MAGI2: variants seen among roughly 807,000 people sequenced by gnomAD.
MAGI2 encodes the protein membrane associated guanylate kinase, WW and PDZ domain containing 2.
MAGI2 carries 35 observed loss-of-function variants against 133.3 expected under a neutral mutation model. That is an observed-to-expected ratio of 0.26 (90% confidence interval 0.20 to 0.35). The LOEUF (loss-of-function observed/expected upper bound fraction) is 0.35. MAGI2 is among the 10% of genes least tolerant of loss of function. The pLI is 1.00. For synonymous variants in MAGI2, 729 were observed against 710.6 expected, an observed-to-expected ratio of 1.03 and a Z score of -0.41; for missense variants, 1,636 against 1,863.4, an observed-to-expected ratio of 0.88 and a Z score of 2.25.
chr7:78,923,527 G>T (rs1041453943), intron 2 of MAGI2, among the ~76,000 whole-genome samples: 18 of 152,036 alleles, frequency 1.2e-4, no homozygotes, highest in African/African-American at 4.3e-4. Context: ...TATTTCTGAG[G>T]GCTCTGTTCT....
chr7:78,799,805 G>A (rs1787913706), intron 2 of MAGI2, among the ~76,000 whole-genome samples: 1 of 152,102 alleles, frequency 6.6e-6, no homozygotes, highest in South Asian at 2.1e-4. Context: ...TGAGTATTTT[G>A]AGATTTTTCT....
At chr7:79,180,228 GAATAGCT>G (rs1188547817) in intron 1 of MAGI2, among the ~76,000 whole-genome samples, 1 of 151,998 alleles carries the variant, frequency 6.6e-6, no homozygotes, top group African/African-American at 2.4e-5. Context: ...GCCCCATTTA[GAATAGCT>G]ATTATTAAAA....
At position 78,120,636 on chromosome 7, in the gene MAGI2, T is replaced by C. The variant is rs144571305; in HGVS notation, c.3567+5058A>G. On this transcript the variant is annotated intron_variant, in intron 20 of 21. Coordinates refer to ENST00000354212, the MANE Select transcript of MAGI2 (RefSeq NM_012301.4). ...ATCCATATACAGACCACTGCATTTA[T>C]AGAAATTTAATTTATTATAGAGCTG... Among the ~76,000 whole-genome samples, 9 of 152,266 alleles carry C rather than the reference T, an allele frequency of 5.9e-5. No homozygotes were observed. The East Asian group carries it at 1.5e-3, about 26-fold the overall frequency.
At chr7:79,021,213 A>G (rs1809296183) in intron 1 of MAGI2, among the ~76,000 whole-genome samples, 1 of 152,240 alleles carries the variant, frequency 6.6e-6, no homozygotes, top group Admixed American at 6.5e-5. Context: ...AACCTCTGCT[A>G]GGGCAGTGCA....
intron 4 of MAGI2, among the ~76,000 whole-genome samples, chr7:78,502,645 T>G (rs187210722): frequency 6.6e-6 from 1 of 152,350 alleles, no homozygotes; most frequent in East Asian, 1.9e-4. Context: ...TATCATAGTT[T>G]TTTTGTATAG....
chr7:78,385,704 T>C (rs1795320367), intron 6 of MAGI2, among the ~76,000 whole-genome samples: 1 of 152,204 alleles, frequency 6.6e-6, no homozygotes, highest in African/African-American at 2.4e-5. Flanking sequence ...ATTCTTTCCA[T>C]CTTGGCAATA....
chr7:79,171,358 T>G (rs1436707518), intron 1 of MAGI2, among the ~76,000 whole-genome samples: 2 of 152,022 alleles, frequency 1.3e-5, no homozygotes, highest in Non-Finnish European at 2.9e-5. Context: ...TCAGTCATAT[T>G]GGAATTAGGG....
At chr7:79,184,581 C>T (rs915385641) in intron 1 of MAGI2, among the ~76,000 whole-genome samples, 2 of 151,402 alleles carry the variant, frequency 1.3e-5, no homozygotes, top group Non-Finnish European at 2.9e-5. Context: ...GAAAAAAAGG[C>T]ATAAATGTAG....
intron 2 of MAGI2, among the ~76,000 whole-genome samples, chr7:78,893,495 G>A (rs1375616259): frequency 6.6e-6 from 1 of 152,034 alleles, no homozygotes; most frequent in Non-Finnish European, 1.5e-5. Context: ...GTCCAACAAC[G>A]ATAGACTGGA....
At chr7:78,535,462 A>G (rs1254469688) in intron 3 of MAGI2, among the ~76,000 whole-genome samples, 1 of 152,220 alleles carries the variant, frequency 6.6e-6, no homozygotes, top group Non-Finnish European at 1.5e-5. Context: ...TCTTGAGGTC[A>G]ATGAGGGATA....
chr7:78,903,070 G>A (rs994094305), intron 2 of MAGI2, among the ~76,000 whole-genome samples: 2 of 147,670 alleles, frequency 1.4e-5, no homozygotes, highest in African/African-American at 5.0e-5. Flanking sequence ...TGAACTCATT[G>A]TCCTTAAAAT....
chr7:78,062,457 C>G (rs10244556), intron 21 of MAGI2, among the ~76,000 whole-genome samples: 15,922 of 152,312 alleles, frequency 0.1, 1,407 homozygotes, highest in African/African-American at 0.24. Flanking sequence ...GCTTCCCAGC[C>G]TATCTCTGGG....
At chr7:79,266,949 C>A (rs563007952) in intron 1 of MAGI2, among the ~76,000 whole-genome samples, 3 of 152,204 alleles carry the variant, frequency 2.0e-5, no homozygotes, top group African/African-American at 7.2e-5. Flanking sequence ...ATCACATAGA[C>A]TTCAGATAAG....
intron 2 of MAGI2, among the ~76,000 whole-genome samples, chr7:78,667,139 T>C (rs1286257212): frequency 6.6e-6 from 1 of 152,062 alleles, no homozygotes; most frequent in African/African-American, 2.4e-5. Context: ...AGTAACATCC[T>C]TCAAATAAAT....
At chr7:78,161,688 G>GAAAAAAAAAAAAA (rs397753924) in intron 15 of MAGI2, among the ~76,000 whole-genome samples, 1 of 107,236 alleles carries the variant, frequency 9.3e-6, no homozygotes, top group African/African-American at 3.3e-5. Flanking sequence ...AAAAAAAAAA[G>GAAAAAAAAAAAAA]AAAAAAAAAA....
In MAGI2 at chr7:78,991,443, C is replaced by T. The variant is rs939757232; in HGVS notation, c.418+15647G>A. On this transcript the variant is annotated intron_variant, in intron 2 of 21. Transcript: ENST00000354212. ...ATAAACATATATACTAAAATATATG[C>T]TTAAATATACATTATAACATATATA... is the stretch of plus-strand genomic sequence containing the variant. Among the ~76,000 whole-genome samples the T allele has an allele frequency of 4.6e-5, 7 of 151,608 alleles. No homozygotes were observed. The South Asian group carries it at 8.3e-4, about 18-fold the overall frequency.
intron 2 of MAGI2, among the ~76,000 whole-genome samples, chr7:78,965,245 A>G (rs1265784323): frequency 7.2e-5 from 11 of 151,794 alleles, no homozygotes; most frequent in Admixed American, 7.2e-4. Context: ...GATAAAGAAT[A>G]AAATTAATTT....
At chr7:79,216,274 T>A (rs1830031576) in intron 1 of MAGI2, among the ~76,000 whole-genome samples, 2 of 151,804 alleles carry the variant, frequency 1.3e-5, no homozygotes, top group Non-Finnish European at 2.9e-5. Flanking sequence ...TTCCACTCCA[T>A]CCCCTTTGTA....
chr7:78,602,154 C>T (rs1298015530), intron 3 of MAGI2, among the ~76,000 whole-genome samples: 1 of 151,428 alleles, frequency 6.6e-6, no homozygotes, highest in South Asian at 2.1e-4. Flanking sequence ...AGATTAAGTA[C>T]TTTTTTTTTG....
Sources: gnomAD v4.1 joint callset for allele counts (sites outside exome capture counted in the v4.1 genomes callset) on GRCh38, gnomAD v4.1.1 for gene constraint, MANE v1.5 for transcripts, NCBI Gene and HGNC (gene_info 2026-07-23, HGNC 2026-07-21) for gene names.